UBE2O: variants seen among roughly 807,000 people sequenced by gnomAD.
The protein encoded by UBE2O is (E3-independent) E2 ubiquitin-conjugating enzyme.
UBE2O carries 15 observed loss-of-function variants against 125.8 expected under a neutral mutation model. The ratio of observed to expected loss-of-function variants is 0.12; its 90% CI spans 0.08 to 0.18. The LOEUF (loss-of-function observed/expected upper bound fraction) is 0.18, where lower values mean the gene tolerates loss of function less well. Ranked by LOEUF, UBE2O falls within the 10% of genes least tolerant of loss-of-function variation. UBE2O has a pLI of 1.00. For missense variants in UBE2O, 1,280 were observed against 1,723.6 expected (o/e 0.74, Z 4.56); for synonymous variants, 708 against 703.2 (o/e 1.01, Z -0.11).
rs575356536 is a variant in UBE2O at position 76,452,621 on chromosome 17, C to A, written c.417+104G>T. ...GGCTGTCCTCCCGCGTCGGCCACTG[C>A]AGTGGCACCGCTCCGGGCAGGGCCC... On this transcript the variant is annotated intron_variant, in intron 1 of 17. Transcript: ENST00000319380. This position sits in a 1 kb window ranked among gnomAD's most constrained non-coding sequence, Gnocchi z 4.4. The A allele has an allele frequency of 1.8e-6, 2 of 1,129,044 alleles. No homozygotes were observed. Among genetic ancestry groups the A allele is most frequent in the Non-Finnish European group, 1.1e-6 (1 of 877,180 alleles). 69.9% of individuals were successfully genotyped at this position (1,129,044 alleles called of 1,614,324 possible).
intron 1 of UBE2O, among the ~76,000 whole-genome samples, chr17:76,408,889 G>A (rs937986089): frequency 1.3e-5 from 2 of 152,130 alleles, no homozygotes; most frequent in African/African-American, 4.8e-5. Context: ...TCTGGGGTCG[G>A]GGGTGAAGAG....
chr17:76,408,879 T>C (rs1392307757), intron 1 of UBE2O, among the ~76,000 whole-genome samples: 1 of 152,162 alleles, frequency 6.6e-6, no homozygotes, highest in Non-Finnish European at 1.5e-5. Context: ...TAGGAGGGGA[T>C]CTGGGGTCGG....
At chr17:76,419,674 G>A (rs996703184) in intron 1 of UBE2O, among the ~76,000 whole-genome samples, 2 of 152,150 alleles carry the variant, frequency 1.3e-5, no homozygotes, top group African/African-American at 2.4e-5. Context: ...ACAAGGCCCC[G>A]GGCCAGTTGC....
intron 1 of UBE2O, among the ~76,000 whole-genome samples, chr17:76,446,897 ATGTGTTTTTGAC>A (rs143636767): frequency 0.021 from 3,169 of 152,294 alleles, 82 homozygotes; most frequent in South Asian, 0.089. Flanking sequence ...TAGAAATGCA[ATGTGTTTTTGAC>A]AGTTATTTTG....
rs555367680 is a variant in UBE2O at position 76,405,135 on chromosome 17, A to G, written c.588+71T>C. Reference sequence around the variant, plus strand: ...TTGGCAAGAGCACGGAGGAGGCTGTAGCCCAGAGGTCGTGCCGCCGAGAGA... The same window carrying G: ...TTGGCAAGAGCACGGAGGAGGCTGTGGCCCAGAGGTCGTGCCGCCGAGAGA... On this transcript the variant is annotated intron_variant, in intron 3 of 17. Coordinates refer to ENST00000319380, the MANE Select transcript of UBE2O (RefSeq NM_022066.4). The surrounding 1 kb of genome is among the most constrained non-coding windows in gnomAD (Gnocchi z 6.1). The G allele has an allele frequency of 5.1e-6, 6 of 1,181,384 alleles. No individual in the cohort carries two copies. The highest frequency in any genetic ancestry group is 3.1e-5 in the African/African-American group (2 of 65,568). The allele number at this position is 1,181,384 out of a possible 1,614,324, so 73.2% of individuals were successfully genotyped here.
rs2072120355 is a variant in UBE2O at position 76,391,893 on chromosome 17, C to T, written c.3150+17G>A. The T allele has an allele frequency of 6.2e-7, 1 of 1,613,522 alleles. No individual in the cohort carries two copies. Among genetic ancestry groups the T allele is most frequent in the African/African-American group, 1.3e-5 (1 of 74,914 alleles). ...GCTCTTCCTCCTTCTTGGCTGGGGG[C>T]CTGGCCCTATACTCACCTTTCCAAT... On this transcript the variant is annotated intron_variant, in intron 16 of 17. Coordinates refer to ENST00000319380, the MANE Select transcript of UBE2O (RefSeq NM_022066.4). The surrounding 1 kb of genome is among the most constrained non-coding windows in gnomAD (Gnocchi z 8.4).
In UBE2O at chr17:76,404,162, G is replaced by A; in HGVS notation, c.588+1044C>T. Among the ~76,000 whole-genome samples, 1 of 152,224 alleles carries A rather than the reference G, an allele frequency of 6.6e-6. No homozygotes were observed. The highest frequency in any genetic ancestry group is 1.5e-5 in the Non-Finnish European group (1 of 68,046). The stretch of plus-strand genomic sequence containing the variant: ...GGAACTGTGAATGGAGGCCAAAGCT[G>A]GTGGATTTCAGTTTGACAAATGACA... On this transcript the variant is annotated intron_variant, in intron 3 of 17. Transcript: ENST00000319380. This position sits in a 1 kb window ranked among gnomAD's most constrained non-coding sequence, Gnocchi z 4.3.
intron 1 of UBE2O, among the ~76,000 whole-genome samples, chr17:76,423,203 C>A (rs2072737961): frequency 6.6e-6 from 1 of 152,010 alleles, no homozygotes; most frequent in African/African-American, 2.4e-5. Context: ...GAGGAAGGGT[C>A]TCTTTTCAAG....
At chr17:76,407,249 T>G (rs1052608618) in intron 1 of UBE2O, among the ~76,000 whole-genome samples, 3 of 152,170 alleles carry the variant, frequency 2.0e-5, no homozygotes, top group African/African-American at 7.2e-5. Flanking sequence ...TGAAGACCCC[T>G]GAAAGGTCAG....
chr17:76,403,779 G>A (rs559072984), intron 3 of UBE2O, among the ~76,000 whole-genome samples: 44 of 152,056 alleles, frequency 2.9e-4, no homozygotes, highest in African/African-American at 9.7e-4. Flanking sequence ...TTGATTCTGG[G>A]GCTGGATCAC....
rs769763885 is a variant in UBE2O, at chr17:76,399,617, T to C, written c.1460A>G (p.Asp487Gly). ...EQDADDEAADDTDDTSSVTSS... is the reference protein window; with the variant it reads ...EQDADDEAADGTDDTSSVTSS... ...GGTCACCGAACTGGTGTCGTCCGTG[T>C]CATCAGCAGCCTCATCATCTGCGTC... The change falls in exon 9 of 18, where the codon GAC becomes GGC. Residue 487 changes from aspartate (D) to glycine (G), a missense_variant. Physicochemically the swap from Asp to Gly is moderately conservative, Grantham distance 94. Coordinates refer to ENST00000319380, the MANE Select transcript of UBE2O (RefSeq NM_022066.4). This position sits in a 1 kb window ranked among gnomAD's most constrained non-coding sequence, Gnocchi z 6.9. 2 of 1,614,080 alleles carry C rather than the reference T, an allele frequency of 1.2e-6. No individual in the cohort carries two copies. Among genetic ancestry groups the C allele is most frequent in the Non-Finnish European group, 1.7e-6 (2 of 1,180,048 alleles).
chr17:76,399,060 T>C lies in UBE2O; in HGVS notation c.1629-69A>G. ...CTCCGCGGAAAGGGCAGAGAGTCTT[T>C]CTGTCCCTTCCTGTCCCTGTGGGCT... is the stretch of plus-strand genomic sequence containing the variant. On this transcript the variant is annotated intron_variant, in intron 9 of 17. Transcript: ENST00000319380. This position sits in a 1 kb window ranked among gnomAD's most constrained non-coding sequence, Gnocchi z 6.9. The C allele has an allele frequency of 6.4e-7, 1 of 1,565,722 alleles. No homozygotes were observed. Among genetic ancestry groups the C allele is most frequent in the East Asian group, 2.3e-5 (1 of 44,432 alleles).
rs2072198348 is a variant in UBE2O, at chr17:76,395,871, G to A, written c.2810-10C>T. The A allele has an allele frequency of 1.4e-5, 23 of 1,614,086 alleles. No homozygotes were observed. The highest frequency in any genetic ancestry group is 1.9e-5 in the Non-Finnish European group (23 of 1,180,046). ...TTAAAAGAATGATTTGCTAGAGGGG[G>A]GAAGAGAATAGTCAGTCCCTCATGG... is the stretch of plus-strand genomic sequence containing the variant. On this transcript the variant is annotated splice_polypyrimidine_tract_variant and intron_variant, in intron 14 of 17. Coordinates refer to ENST00000319380, the MANE Select transcript of UBE2O (RefSeq NM_022066.4). This position sits in a 1 kb window ranked among gnomAD's most constrained non-coding sequence, Gnocchi z 5.0.
intron 1 of UBE2O, among the ~76,000 whole-genome samples, chr17:76,446,832 G>C (rs990778027): frequency 3.9e-5 from 6 of 152,352 alleles, no homozygotes; most frequent in African/African-American, 1.4e-4. Flanking sequence ...GTGTTGGAAT[G>C]AATCAGACTA....
At chr17:76,422,364 C>T (rs956187068) in intron 1 of UBE2O, among the ~76,000 whole-genome samples, 6 of 152,228 alleles carry the variant, frequency 3.9e-5, no homozygotes, top group African/African-American at 1.4e-4. Flanking sequence ...CCAGCAAGGG[C>T]TTGACACAGA....
chr17:76,397,094 G>A (rs1047885422), intron 13 of UBE2O, among the ~76,000 whole-genome samples: 1 of 152,144 alleles, frequency 6.6e-6, no homozygotes, highest in Non-Finnish European at 1.5e-5. Flanking sequence ...TGTGCACTTC[G>A]TCAGCATCTG....
chr17:76,448,854 A>G (rs1052372407), intron 1 of UBE2O, among the ~76,000 whole-genome samples: 11 of 152,220 alleles, frequency 7.2e-5, no homozygotes, highest in African/African-American at 2.7e-4. Flanking sequence ...TATTCAAAGG[A>G]TGACTGGTGA....
In UBE2O at chr17:76,452,057, TTAGGAGTCATCA is replaced by T. The variant is rs1227166371; in HGVS notation, c.417+656_417+667del. Among the ~76,000 whole-genome samples the T allele has an allele frequency of 6.6e-6, 1 of 152,034 alleles. No individual in the cohort carries two copies. The highest frequency in any genetic ancestry group is 1.5e-5 in the Non-Finnish European group (1 of 67,986). ...TTTTTTTCAAGGAGTCCATATGCAC[TTAGGAGTCATCA>T]ATCCCGGTCGCAGCTGTCAGAATCC... On this transcript the variant is annotated intron_variant, in intron 1 of 17. Coordinates refer to ENST00000319380, the MANE Select transcript of UBE2O (RefSeq NM_022066.4). The surrounding 1 kb of genome is among the most constrained non-coding windows in gnomAD (Gnocchi z 4.4).
chr17:76,436,093 A>G, intron 1 of UBE2O, among the ~76,000 whole-genome samples: 1 of 152,136 alleles, frequency 6.6e-6, no homozygotes, highest in East Asian at 1.9e-4. Flanking sequence ...CTAAAATACA[A>G]AACATTAGCC....
Sources: gnomAD v4.1 joint callset for allele counts (sites outside exome capture counted in the v4.1 genomes callset) on GRCh38, gnomAD v4.1.1 for gene constraint, Gnocchi (gnomAD v3.1) non-coding constraint, MANE v1.5 for transcripts, NCBI Gene and HGNC (gene_info 2026-07-23, HGNC 2026-07-21) for gene names.